MAP2: variants seen among roughly 807,000 people sequenced by gnomAD.
The protein encoded by MAP2 is microtubule associated protein 2.
MAP2 carries 14 observed loss-of-function variants against 137.6 expected under a neutral mutation model. That is an observed-to-expected ratio of 0.10 (90% CI 0.07 to 0.16). The LOEUF (loss-of-function observed/expected upper bound fraction) is 0.16. Among genes scored for constraint, MAP2 ranks in the 10% least tolerant of loss-of-function variants. MAP2 has a pLI of 1.00. For synonymous variants in MAP2, 786 were observed against 782.3 expected, an observed-to-expected ratio of 1.00 and a Z score of -0.08; for missense variants, 2,088 against 2,191.5, an observed-to-expected ratio of 0.95 and a Z score of 0.94.
At chr2:209,438,295 T>C (rs1696869335) in intron 1 of MAP2, among the ~76,000 whole-genome samples, 1 of 151,696 alleles carries the variant, frequency 6.6e-6, no homozygotes. Context: ...ACCTTGAGAA[T>C]ATTATTTTCA....
At chr2:209,704,178 T>C (rs2062647854) in intron 11 of MAP2, 6 of 396,858 alleles carry the variant, frequency 1.5e-5, no homozygotes, top group Non-Finnish European at 2.9e-5. Flanking sequence ...TGTGTACCCA[T>C]TGTTTAGCTC....
intron 1 of MAP2, among the ~76,000 whole-genome samples, chr2:209,428,900 C>T (rs982911624): frequency 1.3e-5 from 2 of 151,534 alleles, no homozygotes; most frequent in Admixed American, 6.6e-5. Context: ...CCTCATTAGC[C>T]TTCTTTGAAT....
intron 1 of MAP2, among the ~76,000 whole-genome samples, chr2:209,483,782 A>G (rs1280369962): frequency 6.6e-6 from 1 of 152,198 alleles, no homozygotes; most frequent in Non-Finnish European, 1.5e-5. Flanking sequence ...TTCAAGTCAC[A>G]TGAGCATCTT....
At chr2:209,717,676 AAG>A (rs971314065) in intron 13 of MAP2, among the ~76,000 whole-genome samples, 15 of 152,320 alleles carry the variant, frequency 9.8e-5, no homozygotes, top group African/African-American at 3.1e-4. Context: ...ATATAAGATG[AAG>A]AGAGAAAGAT....
At chr2:209,436,271 G>A (rs190402279) in intron 1 of MAP2, among the ~76,000 whole-genome samples, 12 of 151,378 alleles carry the variant, frequency 7.9e-5, no homozygotes, top group Admixed American at 4.6e-4. Flanking sequence ...GCATTAAGAC[G>A]TATTAATATT....
At chr2:209,629,340 T>TTTG (rs774851910) in intron 4 of MAP2, among the ~76,000 whole-genome samples, 6 of 152,316 alleles carry the variant, frequency 3.9e-5, no homozygotes, top group African/African-American at 4.8e-5. Context: ...AGGCTGGGTT[T>TTTG]TTGTTGTTGT....
At chr2:209,460,304 G>T (rs566559335) in intron 1 of MAP2, among the ~76,000 whole-genome samples, 1 of 152,150 alleles carries the variant, frequency 6.6e-6, no homozygotes, top group African/African-American at 2.4e-5. Flanking sequence ...TTACAATGAC[G>T]GTCTATGTCA....
chr2:209,685,094 G>C (rs1466748926), intron 7 of MAP2, among the ~76,000 whole-genome samples: 1 of 152,106 alleles, frequency 6.6e-6, no homozygotes, highest in South Asian at 2.1e-4. Flanking sequence ...TGCCCAAAAT[G>C]TTATGGTTTA....
At chr2:209,454,966 C>T (rs916085219) in intron 1 of MAP2, among the ~76,000 whole-genome samples, 1 of 152,180 alleles carries the variant, frequency 6.6e-6, no homozygotes, top group Admixed American at 6.5e-5. Flanking sequence ...TAAAGACTGT[C>T]TTCCTGGACT....
intron 7 of MAP2, chr2:209,690,897 C>T: frequency 8.2e-7 from 1 of 1,219,604 alleles, no homozygotes; most frequent in South Asian, 1.5e-5. Context: ...ATGATCTCTC[C>T]AGTGGCTTAC....
rs530676229 is a variant in MAP2 at position 209,472,188 on chromosome 2, C to T, written c.-221-35404C>T. ...TAGTGAAACAGATTAACATATCTGT[C>T]ATCTCACATAGAAGTTATAGATTTT... On this transcript the variant is annotated intron_variant, in intron 1 of 15. Coordinates refer to ENST00000682079, the MANE Select transcript of MAP2 (RefSeq NM_001375505.1). Among the ~76,000 whole-genome samples, 14 of 152,262 alleles carry T rather than the reference C, an allele frequency of 9.2e-5. No homozygotes were observed. In the South Asian group the frequency reaches 2.9e-3, roughly 32 times the overall value.
At chr2:209,558,837 T>C (rs1254404771) in intron 2 of MAP2, among the ~76,000 whole-genome samples, 1 of 151,972 alleles carries the variant, frequency 6.6e-6, no homozygotes, top group Admixed American at 6.6e-5. Flanking sequence ...CTGTCTCCCA[T>C]CGTGGAAGTT....
chr2:209,424,950 TC>T (rs1451384977), intron 1 of MAP2, among the ~76,000 whole-genome samples: 1 of 152,226 alleles, frequency 6.6e-6, no homozygotes, highest in African/African-American at 2.4e-5. Flanking sequence ...TCTATTCTTT[TC>T]TTCCTTTTCT....
intron 2 of MAP2, among the ~76,000 whole-genome samples, chr2:209,575,529 A>AC (rs1378152281): frequency 6.6e-6 from 1 of 150,722 alleles, no homozygotes; most frequent in East Asian, 1.9e-4. Context: ...AAAAAAAAAA[A>AC]AAAAAAAAAA....
intron 1 of MAP2, among the ~76,000 whole-genome samples, chr2:209,436,367 C>T (rs182837780): frequency 4.6e-4 from 70 of 151,680 alleles, no homozygotes; most frequent in African/African-American, 1.7e-3. Context: ...GTGGGCCACG[C>T]GTAGTCTCTA....
chr2:209,696,492 C>G (rs772336711), intron 8 of MAP2, 50 bp from the exon 9 acceptor site: 3 of 1,523,098 alleles, frequency 2.0e-6, no homozygotes, highest in Non-Finnish European at 2.7e-6. Context: ...ACACTTGTTA[C>G]TAATGTTTTC....
At chr2:209,697,344 G>GTTAGACGATGGCGATGAAT (rs1378077588) in intron 10 of MAP2, among the ~76,000 whole-genome samples, 2 of 151,948 alleles carry the variant, frequency 1.3e-5, no homozygotes, top group Non-Finnish European at 2.9e-5. Flanking sequence ...TGTGTGTTTG[G>GTTAGACGATGGCGATGAAT]TTAGACGATG....
At chr2:209,457,919 A>G (rs559547746) in intron 1 of MAP2, among the ~76,000 whole-genome samples, 8 of 152,236 alleles carry the variant, frequency 5.3e-5, no homozygotes, top group African/African-American at 1.9e-4. Flanking sequence ...ACTCAAATAA[A>G]TTGCAGCTAT....
At chr2:209,598,951 G>A (rs1187028504) in intron 3 of MAP2, among the ~76,000 whole-genome samples, 1 of 151,728 alleles carries the variant, frequency 6.6e-6, no homozygotes, top group African/African-American at 2.4e-5. Context: ...ATAGTCCTTT[G>A]GGTATATACC....
Sources: allele counts gnomAD v4.1 joint callset (sites outside exome capture counted in the v4.1 genomes callset), GRCh38; gene constraint gnomAD v4.1.1; transcripts MANE v1.5; gene names NCBI Gene and HGNC (gene_info 2026-07-23, HGNC 2026-07-21).